The following ITGA9 variants were observed in gnomAD, a reference collection of about 807,000 sequenced individuals.
The protein encoded by ITGA9 is integrin alpha-9.
Under a neutral mutation model 127.8 loss-of-function variants are expected in ITGA9, and 56 were observed. The ratio of observed to expected loss-of-function variants is 0.44; its 90% CI spans 0.35 to 0.55. ITGA9 has a LOEUF of 0.55. ITGA9 is among the 20% of genes least tolerant of loss of function. ITGA9 has a pLI of 0.00. For missense variants in ITGA9, 1,196 were observed against 1,347.1 expected, an observed-to-expected ratio of 0.89 and a Z score of 1.76; for synonymous variants, 508 against 514.5, an observed-to-expected ratio of 0.99 and a Z score of 0.17.
intron 8 of ITGA9, among the ~76,000 whole-genome samples, chr3:37,512,019 T>TTCC (rs1491414423): frequency 4.9e-4 from 11 of 22,426 alleles, no homozygotes; most frequent in African/African-American, 6.9e-4. Flanking sequence ...TTTTCTTTTC[T>TTCC]TTTCTTTTCT....
chr3:37,750,046 A>AC (rs931958120), intron 22 of ITGA9, among the ~76,000 whole-genome samples: 5 of 135,340 alleles, frequency 3.7e-5, no homozygotes, highest in East Asian at 5.3e-4. Context: ...CCCACTCCAT[A>AC]CCCCCCCACC....
intron 18 of ITGA9, among the ~76,000 whole-genome samples, chr3:37,704,431 G>T (rs928482315): frequency 3.3e-5 from 5 of 152,214 alleles, no homozygotes; most frequent in African/African-American, 9.7e-5. Context: ...AAAAGGAAGA[G>T]CACCTATGAG....
chr3:37,617,289 C>T (rs1457732797), intron 15 of ITGA9, among the ~76,000 whole-genome samples: 1 of 152,184 alleles, frequency 6.6e-6, no homozygotes, highest in Non-Finnish European at 1.5e-5. Flanking sequence ...TGAATATTGG[C>T]CCCCACTCCC....
intron 18 of ITGA9, among the ~76,000 whole-genome samples, chr3:37,729,240 A>G (rs1482407958): frequency 6.6e-6 from 1 of 152,138 alleles, no homozygotes; most frequent in Non-Finnish European, 1.5e-5. Flanking sequence ...ACATTTGGTC[A>G]GGGCAGTTGA....
intron 18 of ITGA9, among the ~76,000 whole-genome samples, chr3:37,719,778 C>A (rs778396177): frequency 2.6e-5 from 4 of 152,194 alleles, no homozygotes; most frequent in African/African-American, 4.8e-5. Flanking sequence ...CTACCCTCTC[C>A]TGGAGCTCCC....
rs1575255396 is a variant in ITGA9, at chr3:37,821,319, T to C, written c.*2330T>C. The C allele has an allele frequency of 6.6e-6, 1 of 152,214 alleles. No individual in the cohort carries two copies. Among genetic ancestry groups the C allele is most frequent in the Admixed American group, 6.5e-5 (1 of 15,284 alleles). The allele number at this position is 152,214 out of a possible 1,614,324, so 9.4% of individuals were successfully genotyped here. A position where few individuals can be genotyped will look rare whatever the true frequency, so the allele number is the denominator to read the frequency against. ...AGTCTTGGGTGGGTTTTATCACTTA[T>C]TAACAGCCATTTATGAGGCCCCTGC... On this transcript the variant is annotated 3_prime_UTR_variant, in exon 28 of 28. Coordinates refer to ENST00000264741, the MANE Select transcript of ITGA9 (RefSeq NM_002207.3).
chr3:37,473,136 C>CAAAAAAAAAAAAAAAAAAAAAAAAAAAA (rs36109791), intron 2 of ITGA9, among the ~76,000 whole-genome samples: 1 of 70,778 alleles, frequency 1.4e-5, no homozygotes, highest in African/African-American at 6.0e-5. Flanking sequence ...GAGACTGTCT[C>CAAAAAAAAAAAAAAAAAAAAAAAAAAAA]AAAAAAAAAA....
chr3:37,667,751 A>AT (rs1463984225), intron 17 of ITGA9, among the ~76,000 whole-genome samples: 1 of 152,230 alleles, frequency 6.6e-6, no homozygotes, highest in Non-Finnish European at 1.5e-5. Context: ...CTGGTGCAGA[A>AT]TAGGAAGCTG....
intron 23 of ITGA9, among the ~76,000 whole-genome samples, chr3:37,776,708 C>T (rs900694209): frequency 2.0e-5 from 3 of 152,190 alleles, no homozygotes; most frequent in African/African-American, 7.2e-5. Context: ...CACTCAGCAC[C>T]GTTGCCATTG....
chr3:37,646,932 A>G (rs181045764), intron 16 of ITGA9, among the ~76,000 whole-genome samples: 1 of 151,784 alleles, frequency 6.6e-6, no homozygotes, highest in East Asian at 1.9e-4. Flanking sequence ...TTGAAACTGC[A>G]TTGTCATCTA....
chr3:37,452,443 G>C lies in ITGA9; in HGVS notation c.69G>C (p.Ala23=). 1 of 1,479,194 alleles carries C rather than the reference G, an allele frequency of 6.8e-7. No individual in the cohort carries two copies. Among genetic ancestry groups the C allele is most frequent in the Non-Finnish European group, 9.0e-7 (1 of 1,113,776 alleles). The allele number at this position is 1,479,194 out of a possible 1,614,324, so 91.6% of individuals were successfully genotyped here. Residue 23 remains alanine (A), a synonymous_variant, in exon 1 of 28, where the codon GCG becomes GCC. Transcript: ENST00000264741. This position sits in a 1 kb window ranked among gnomAD's most constrained non-coding sequence, Gnocchi z 7.3. ...LRALLLALVV[A]GIPAGAYNLD... is the part of the protein sequence containing the mutation. ...CGCTGCTGCTGGCGCTGGTGGTCGC[G>C]GGGATCCCCGCGGGCGCCTACAACC...
chr3:37,659,931 T>C (rs146893535), intron 17 of ITGA9, among the ~76,000 whole-genome samples: 165 of 152,082 alleles, frequency 1.1e-3, no homozygotes, highest in African/African-American at 3.9e-3. Flanking sequence ...CAAAGGAAAG[T>C]AATACTAAGA....
rs549181857 is a variant in ITGA9 at position 37,777,871 on chromosome 3, G to A, written c.2667+354G>A. ...CAAAACGTGTGTATCCTATGACACA[G>A]CCATTCTACTCTTGAGTATATCCCC... is the stretch of plus-strand genomic sequence containing the variant. On this transcript the variant is annotated intron_variant, in intron 24 of 27. Transcript: ENST00000264741. Among the ~76,000 whole-genome samples, 15 of 152,314 alleles carry A rather than the reference G, an allele frequency of 9.8e-5. No individual in the cohort carries two copies. In the South Asian group the frequency reaches 3.1e-3, roughly 32 times the overall value.
At chr3:37,763,425 A>G (rs1304766862) in intron 23 of ITGA9, among the ~76,000 whole-genome samples, 2 of 152,042 alleles carry the variant, frequency 1.3e-5, no homozygotes, top group African/African-American at 4.8e-5. Flanking sequence ...GCCCTGTTTG[A>G]TTTCTGACCT....
chr3:37,559,185 G>A (rs957674742), intron 15 of ITGA9, among the ~76,000 whole-genome samples: 8 of 152,194 alleles, frequency 5.3e-5, no homozygotes, highest in African/African-American at 1.7e-4. Context: ...AAGAGTTAAC[G>A]TATTGAACTT....
At chr3:37,544,050 A>T (rs1699302303) in intron 15 of ITGA9, among the ~76,000 whole-genome samples, 2 of 152,096 alleles carry the variant, frequency 1.3e-5, no homozygotes, top group African/African-American at 4.8e-5. Context: ...AATGCCTGTG[A>T]TTGGTGTTTT....
rs1180991618 is a variant in ITGA9 at position 37,452,585 on chromosome 3, C to T, written c.185+26C>T. On this transcript the variant is annotated intron_variant, in intron 1 of 27. Coordinates refer to ENST00000264741, the MANE Select transcript of ITGA9 (RefSeq NM_002207.3). The surrounding 1 kb of genome is among the most constrained non-coding windows in gnomAD (Gnocchi z 7.3). ...GTGAGTGCCCGCCCGACTCCGCGACCCTGGCCCGCGCGGCCACCGCCCCGG... is the reference window on the plus strand; with the variant it reads ...GTGAGTGCCCGCCCGACTCCGCGACTCTGGCCCGCGCGGCCACCGCCCCGG... 2.0e-6 allele frequency: 3 copies of T among 1,489,326 alleles called. No homozygotes were observed. Among genetic ancestry groups the T allele is most frequent in the Non-Finnish European group, 2.7e-6 (3 of 1,117,470 alleles). 92.3% of individuals were successfully genotyped at this position (1,489,326 alleles called of 1,614,324 possible).
At chr3:37,791,479 C>T (rs1697108785) in intron 26 of ITGA9, among the ~76,000 whole-genome samples, 1 of 152,108 alleles carries the variant, frequency 6.6e-6, no homozygotes, top group Admixed American at 6.5e-5. Flanking sequence ...AGAACCAGAC[C>T]AAAAATCAGA....
At chr3:37,541,446 A>C (rs1469323405) in intron 14 of ITGA9, among the ~76,000 whole-genome samples, 1 of 152,250 alleles carries the variant, frequency 6.6e-6, no homozygotes, top group African/African-American at 2.4e-5. Context: ...TATTTCTATA[A>C]TGAAATACAT....
Sources: gnomAD v4.1 joint callset for allele counts (sites outside exome capture counted in the v4.1 genomes callset) on GRCh38, gnomAD v4.1.1 for gene constraint, Gnocchi (gnomAD v3.1) non-coding constraint, MANE v1.5 for transcripts, NCBI Gene and HGNC (gene_info 2026-07-23, HGNC 2026-07-21) for gene names.